PARVA: variants seen among roughly 807,000 people sequenced by gnomAD.
The protein encoded by PARVA is parvin alpha.
A neutral mutation model predicts 52.6 loss-of-function variants in PARVA; 25 were observed. The observed-to-expected ratio is 0.48, with a 90% confidence interval of 0.35 to 0.66. The LOEUF (loss-of-function observed/expected upper bound fraction) is 0.66, where lower values mean the gene tolerates loss of function less well. Among genes scored for constraint, PARVA ranks in the 30% least tolerant of loss-of-function variants. The pLI, the probability that PARVA is intolerant of heterozygous loss-of-function variation, is 0.01. For synonymous variants in PARVA, 185 were observed against 179.1 expected (o/e 1.03, Z -0.26); for missense variants, 373 against 450.9 (o/e 0.83, Z 1.56).
At chr11:12,390,871 A>G (rs931041390) in intron 1 of PARVA, among the ~76,000 whole-genome samples, 1 of 152,162 alleles carries the variant, frequency 6.6e-6, no homozygotes, top group Non-Finnish European at 1.5e-5. Flanking sequence ...TGCAAAACAC[A>G]GGAGGAGGGT....
chr11:12,404,680 G>C (rs528200057), intron 1 of PARVA, among the ~76,000 whole-genome samples: 13 of 152,346 alleles, frequency 8.5e-5, no homozygotes, highest in Non-Finnish European at 1.6e-4. Context: ...CCCCATTTAG[G>C]GTAGCGCGGG....
At chr11:12,383,146 G>C (rs1322135125) in intron 1 of PARVA, among the ~76,000 whole-genome samples, 1 of 152,158 alleles carries the variant, frequency 6.6e-6, no homozygotes, top group Non-Finnish European at 1.5e-5. Flanking sequence ...ATGAGTTGTA[G>C]CTTAAGTGGC....
chr11:12,416,254 C>G (rs904990290), intron 1 of PARVA, among the ~76,000 whole-genome samples: 1 of 152,184 alleles, frequency 6.6e-6, no homozygotes, highest in Non-Finnish European at 1.5e-5. Context: ...TTCGAGGCAA[C>G]GTTAGGGCTG....
rs1939413505 is a variant in PARVA at position 12,377,621 on chromosome 11, C to A, written c.-27C>A. 6.4e-7 allele frequency: 1 copy of A among 1,560,988 alleles called. No homozygotes were observed. Among genetic ancestry groups the A allele is most frequent in the East Asian group, 2.6e-5 (1 of 38,400 alleles). ...GCCCAGCGCCAGCTCCGCGTCCCGA[C>A]CGGCCCGCGGCAGCCTGCGCCGCGC... is the stretch of plus-strand genomic sequence containing the variant. On this transcript the variant is annotated 5_prime_UTR_variant, in exon 1 of 13. Coordinates refer to ENST00000334956, the MANE Select transcript of PARVA (RefSeq NM_018222.5).
intron 6 of PARVA, 26 bp from the exon 7 acceptor site, chr11:12,508,558 A>C (rs2135072465): frequency 6.4e-7 from 1 of 1,565,326 alleles, no homozygotes; most frequent in Non-Finnish European, 8.8e-7. Context: ...TTCTCCTCCC[A>C]ACCCCTTTCC....
chr11:12,437,804 G>A (rs1233776602), intron 1 of PARVA, among the ~76,000 whole-genome samples: 1 of 152,124 alleles, frequency 6.6e-6, no homozygotes, highest in African/African-American at 2.4e-5. Context: ...CAGAGAGAGA[G>A]TAAAAAGGAA....
rs73411591 is a variant in PARVA, at chr11:12,478,339, A to G, written c.400+390A>G. The G allele has an allele frequency of 9.0e-3, 3,108 of 346,408 alleles. 94 individuals are homozygous for G. The highest frequency in any genetic ancestry group is 0.061 in the African/African-American group (2,880 of 46,884). The allele number at this position is 346,408 out of a possible 1,614,324, so 21.5% of individuals were successfully genotyped here. The stretch of plus-strand genomic sequence containing the variant: ...GCATTTTTAGACCTCTGTCACCTTC[A>G]GATGCATGTGTGTGTGTTCCTCTGT... On this transcript the variant is annotated intron_variant, in intron 4 of 12. Coordinates refer to ENST00000334956, the MANE Select transcript of PARVA (RefSeq NM_018222.5).
chr11:12,397,392 AACAATGCTGCATTAAACATGCT>A (rs1161072277), intron 1 of PARVA, among the ~76,000 whole-genome samples: 1 of 152,214 alleles, frequency 6.6e-6, no homozygotes, highest in Admixed American at 6.5e-5. Flanking sequence ...TGCTACTCTG[AACAATGCTGCATTAAACATGCT>A]TGCAAACAAC....
intron 10 of PARVA, among the ~76,000 whole-genome samples, chr11:12,517,006 A>G (rs933776286): frequency 3.3e-5 from 5 of 152,078 alleles, no homozygotes; most frequent in Non-Finnish European, 7.4e-5. Flanking sequence ...CCTGTGTGAC[A>G]CTAGTCCTTT....
intron 1 of PARVA, among the ~76,000 whole-genome samples, chr11:12,394,529 T>C (rs1356517082): frequency 6.6e-6 from 1 of 152,184 alleles, no homozygotes; most frequent in African/African-American, 2.4e-5. Context: ...CAATGAAATG[T>C]CTAGGATTTG....
At chr11:12,435,488 C>T (rs371042975) in intron 1 of PARVA, among the ~76,000 whole-genome samples, 59 of 152,246 alleles carry the variant, frequency 3.9e-4, no homozygotes, top group African/African-American at 1.3e-3. Flanking sequence ...GTCCCAGGAC[C>T]GAAGAGTTCT....
At chr11:12,503,337 G>C (rs1363559362) in intron 5 of PARVA, among the ~76,000 whole-genome samples, 1 of 152,172 alleles carries the variant, frequency 6.6e-6, no homozygotes, top group Non-Finnish European at 1.5e-5. Context: ...CTTGAGACAA[G>C]GGTAGTAGTG....
At chr11:12,426,747 C>G (rs1940240491) in intron 1 of PARVA, among the ~76,000 whole-genome samples, 1 of 152,118 alleles carries the variant, frequency 6.6e-6, no homozygotes, top group Non-Finnish European at 1.5e-5. Flanking sequence ...AGCCTAAGCT[C>G]TGCCCGCTGC....
intron 4 of PARVA, chr11:12,478,760 T>C (rs1244915799): frequency 2.6e-5 from 4 of 152,494 alleles, no homozygotes; most frequent in Non-Finnish European, 5.9e-5. Context: ...CCATTTTGAC[T>C]TCTCTGAACT....
chr11:12,480,577 G>C (rs1941073532), intron 4 of PARVA: 1 of 152,118 alleles, frequency 6.6e-6, no homozygotes, highest in South Asian at 2.1e-4. Flanking sequence ...TCCAGGAATG[G>C]TTACAAAACC....
intron 4 of PARVA, 106 bp from the exon 5 acceptor site, chr11:12,496,352 A>ATGCATGCATGAGTGCC: frequency 8.7e-7 from 1 of 1,148,496 alleles, no homozygotes. Flanking sequence ...GCAAGAGTGC[A>ATGCATGCATGAGTGCC]TGCATGCATG....
At chr11:12,463,035 C>CTATA (rs1488765451) in intron 1 of PARVA, among the ~76,000 whole-genome samples, 2 of 151,320 alleles carry the variant, frequency 1.3e-5, no homozygotes, top group African/African-American at 2.4e-5. Flanking sequence ...TTCATGAACA[C>CTATA]TATATATTTT....
At chr11:12,432,099 A>T (rs970639059) in intron 1 of PARVA, among the ~76,000 whole-genome samples, 3 of 152,228 alleles carry the variant, frequency 2.0e-5, no homozygotes, top group African/African-American at 7.2e-5. Flanking sequence ...TTCTTTTTAC[A>T]ATTAACGTAA....
At chr11:12,427,265 A>G (rs1050879305) in intron 1 of PARVA, among the ~76,000 whole-genome samples, 2 of 152,262 alleles carry the variant, frequency 1.3e-5, no homozygotes, top group Admixed American at 6.5e-5. Context: ...CTTAGATAGC[A>G]TGAGATAATG....
Sources: gnomAD v4.1 joint callset for allele counts (sites outside exome capture counted in the v4.1 genomes callset) on GRCh38, gnomAD v4.1.1 for gene constraint, MANE v1.5 for transcripts, NCBI Gene and HGNC (gene_info 2026-07-23, HGNC 2026-07-21) for gene names.